PTPRD: variants seen among roughly 807,000 people sequenced by gnomAD.
The protein encoded by PTPRD is protein tyrosine phosphatase receptor type D.
PTPRD carries 34 observed loss-of-function variants against 214.5 expected under a neutral mutation model. That is an observed-to-expected ratio of 0.16 (90% confidence interval 0.12 to 0.21). The LOEUF (loss-of-function observed/expected upper bound fraction) is 0.21, where lower values mean the gene tolerates loss of function less well. PTPRD is among the 10% of genes least tolerant of loss of function. PTPRD has a pLI of 1.00. For missense variants in PTPRD, 2,545 were observed against 2,398.7 expected, an observed-to-expected ratio of 1.06 and a Z score of -1.27; for synonymous variants, 1,128 against 845.7, an observed-to-expected ratio of 1.33 and a Z score of -5.79.
chr9:8,728,736 T>C (rs755225151), intron 12 of PTPRD, among the ~76,000 whole-genome samples: 10 of 152,128 alleles, frequency 6.6e-5, no homozygotes, highest in Non-Finnish European at 1.2e-4. Flanking sequence ...TACCAGCACT[T>C]TAGGAGGCTG....
rs556937851 is a variant in PTPRD, at chr9:10,559,602, A to G, written c.-600+52796T>C. Among the ~76,000 whole-genome samples, 9 of 152,296 alleles carry G rather than the reference A, an allele frequency of 5.9e-5. No homozygotes were observed. The South Asian group carries it at 1.9e-3, about 32-fold the overall frequency. ...GAGCTTCTGCACAGCAAAAGAAGCT[A>G]CCATCAGAGTGAACAGGCAACCCAC... is the stretch of plus-strand genomic sequence containing the variant. On this transcript the variant is annotated intron_variant, in intron 2 of 45. Coordinates refer to ENST00000381196, the MANE Select transcript of PTPRD (RefSeq NM_002839.4).
chr9:9,133,536 T>C (rs566710380), intron 10 of PTPRD, among the ~76,000 whole-genome samples: 5 of 152,172 alleles, frequency 3.3e-5, no homozygotes, highest in African/African-American at 1.2e-4. Context: ...AACAAAGTAA[T>C]GTGTGCATGG....
chr9:10,357,791 T>C (rs182941462), intron 2 of PTPRD, among the ~76,000 whole-genome samples: 1 of 152,310 alleles, frequency 6.6e-6, no homozygotes, highest in Non-Finnish European at 1.5e-5. Context: ...ACTAAGTATA[T>C]GCAATGATGT....
At chr9:9,743,729 T>TACACAC (rs1491432473) in intron 6 of PTPRD, among the ~76,000 whole-genome samples, 1 of 51,642 alleles carries the variant, frequency 1.9e-5, no homozygotes, top group East Asian at 6.3e-4. Context: ...AAACTCAGTC[T>TACACAC]ATACACACAC....
chr9:9,591,775 C>G (rs2092754930), intron 7 of PTPRD, among the ~76,000 whole-genome samples: 1 of 152,008 alleles, frequency 6.6e-6, no homozygotes, highest in Admixed American at 6.6e-5. Context: ...GGGTCATTAG[C>G]ATATTCATCA....
In PTPRD at chr9:10,094,097, AAAAATAAAAT is replaced by A. The variant is rs67146024; in HGVS notation, c.-544-60317_-544-60308del. ...ACCTGTTGAATCCAAAATCAACGTT[AAAAATAAAAT>A]AAAATAAAATATATGTTTAAAGCTT... On this transcript the variant is annotated intron_variant, in intron 3 of 45. Transcript: ENST00000381196. 2.0e-5 allele frequency among the ~76,000 whole-genome samples: 3 copies of A among 151,436 alleles called. No homozygotes were observed. The South Asian group carries it at 6.2e-4, about 31-fold the overall frequency.
chr9:9,537,867 A>T, intron 8 of PTPRD, among the ~76,000 whole-genome samples: 1 of 151,812 alleles, frequency 6.6e-6, no homozygotes, highest in Admixed American at 6.6e-5. Context: ...TTACATTTTA[A>T]TGAGCTTATT....
chr9:9,102,889 G>T (rs985835220), intron 10 of PTPRD, among the ~76,000 whole-genome samples: 1 of 152,164 alleles, frequency 6.6e-6, no homozygotes, highest in Non-Finnish European at 1.5e-5. Flanking sequence ...CCAATAGAAT[G>T]AATTAACGCT....
chr9:10,368,158 A>T (rs938418803), intron 2 of PTPRD, among the ~76,000 whole-genome samples: 1 of 152,140 alleles, frequency 6.6e-6, no homozygotes, highest in Non-Finnish European at 1.5e-5. Flanking sequence ...AGTTGTCTTT[A>T]AAATATGTAA....
chr9:9,391,575 C>T (rs949364978), intron 9 of PTPRD, among the ~76,000 whole-genome samples: 4 of 152,110 alleles, frequency 2.6e-5, no homozygotes, highest in Admixed American at 6.5e-5. Flanking sequence ...GTTTTGCATA[C>T]ACAAAATCTG....
intron 7 of PTPRD, among the ~76,000 whole-genome samples, chr9:9,720,361 G>A (rs1024814604): frequency 1.3e-5 from 2 of 152,136 alleles, no homozygotes; most frequent in African/African-American, 4.8e-5. Flanking sequence ...GAATCTCAAG[G>A]AACATAAAGA....
At chr9:10,099,469 T>A (rs2098529816) in intron 3 of PTPRD, among the ~76,000 whole-genome samples, 1 of 151,816 alleles carries the variant, frequency 6.6e-6, no homozygotes, top group South Asian at 2.1e-4. Context: ...TATATGTAAA[T>A]TCCCAGCATA....
intron 10 of PTPRD, among the ~76,000 whole-genome samples, chr9:9,034,208 G>A (rs769433443): frequency 1.3e-5 from 2 of 152,132 alleles, no homozygotes; most frequent in Non-Finnish European, 2.9e-5. Flanking sequence ...GGACAGAGCA[G>A]TAGAATATAG....
chr9:9,216,531 A>G (rs1232288368), intron 9 of PTPRD, among the ~76,000 whole-genome samples: 14 of 152,150 alleles, frequency 9.2e-5, no homozygotes, highest in Admixed American at 8.5e-4. Flanking sequence ...CTGATTAACT[A>G]CACAGCCGTC....
chr9:8,883,722 T>G (rs2098464916), intron 11 of PTPRD, among the ~76,000 whole-genome samples: 1 of 152,058 alleles, frequency 6.6e-6, no homozygotes, highest in African/African-American at 2.4e-5. Context: ...TTTATACAGG[T>G]CTTGTATTTT....
At chr9:9,610,916 T>C (rs2094479373) in intron 7 of PTPRD, among the ~76,000 whole-genome samples, 1 of 152,154 alleles carries the variant, frequency 6.6e-6, no homozygotes, top group Admixed American at 6.6e-5. Flanking sequence ...GGGGCTACCA[T>C]TTCACTGACC....
intron 9 of PTPRD, among the ~76,000 whole-genome samples, chr9:9,363,560 T>C (rs1447882329): frequency 6.6e-6 from 1 of 151,394 alleles, no homozygotes; most frequent in Non-Finnish European, 1.5e-5. Context: ...GGACTGAGAT[T>C]GGCTCTCTGT....
At chr9:10,013,088 A>C (rs1397376200) in intron 4 of PTPRD, among the ~76,000 whole-genome samples, 2 of 151,956 alleles carry the variant, frequency 1.3e-5, no homozygotes, top group African/African-American at 4.8e-5. Flanking sequence ...CTTCAATTAC[A>C]CAAATTCAAA....
chr9:10,316,437 A>G (rs12003797), intron 3 of PTPRD, among the ~76,000 whole-genome samples: 264 of 151,964 alleles, frequency 1.7e-3, no homozygotes, highest in African/African-American at 6.0e-3. Flanking sequence ...TAGTCCTTGC[A>G]TGAGTGGGTT....
Sources: gnomAD v4.1 joint callset for allele counts (sites outside exome capture counted in the v4.1 genomes callset) on GRCh38, gnomAD v4.1.1 for gene constraint, MANE v1.5 for transcripts, NCBI Gene and HGNC (gene_info 2026-07-23, HGNC 2026-07-21) for gene names.